CPHXL2: variants seen among roughly 807,000 people sequenced by gnomAD.
CPHXL2 encodes the protein cytoplasmic polyadenylated homeobox-like protein 2.
At chr16:75,675,213 G>C in the CPHXL2 span, among the ~76,000 whole-genome samples, 1 of 150,516 alleles carries the variant, frequency 6.6e-6, no homozygotes, top group Admixed American at 6.6e-5. Flanking sequence ...AAAGAGATGG[G>C]GTTTCACCAT....
At chr16:75,660,982 C>G in the CPHXL2 span, 1 of 399,114 alleles carries the variant, frequency 2.5e-6, no homozygotes, top group Non-Finnish European at 4.4e-6. Context: ...CTGGGAGTCT[C>G]TTGGTTCTCC....
At chr16:75,674,807 T>C in the CPHXL2 span, among the ~76,000 whole-genome samples, 1 of 150,598 alleles carries the variant, frequency 6.6e-6, no homozygotes, top group Non-Finnish European at 1.5e-5. Flanking sequence ...CCTCCTGGGT[T>C]CAAGCGATTC....
chr16:75,669,234 TGA>T, the CPHXL2 span: 55 of 392,652 alleles, frequency 1.4e-4, no homozygotes, highest in South Asian at 6.7e-3. Flanking sequence ...GGGAGTCACC[TGA>T]GCCCAGGAAG....
At chr16:75,663,991 C>G in the CPHXL2 span, among the ~76,000 whole-genome samples, 2 of 151,984 alleles carry the variant, frequency 1.3e-5, no homozygotes, top group African/African-American at 4.8e-5. Flanking sequence ...ATCAGCATGA[C>G]AACACTTTGG....
chr16:75,669,519 T>C, the CPHXL2 span: 1 of 399,236 alleles, frequency 2.5e-6, no homozygotes. Context: ...TCTTTGTTTG[T>C]CTTTCTTCAT....
At chr16:75,676,243 G>A in the CPHXL2 span, among the ~76,000 whole-genome samples, 1 of 152,052 alleles carries the variant, frequency 6.6e-6, no homozygotes, top group South Asian at 2.1e-4. Context: ...CTTTACATAT[G>A]GAAGTTCTCA....
At chr16:75,668,246 T>TTA in the CPHXL2 span, among the ~76,000 whole-genome samples, 1 of 142,432 alleles carries the variant, frequency 7.0e-6, no homozygotes, top group African/African-American at 2.6e-5. Context: ...TTTTTTTTTT[T>TTA]GAGACAGAGC....
chr16:75,676,355 A>G, the CPHXL2 span, among the ~76,000 whole-genome samples: 1 of 152,064 alleles, frequency 6.6e-6, no homozygotes, highest in African/African-American at 2.4e-5. Context: ...ACAAGGCCTC[A>G]CTCTGTCACC....
At chr16:75,672,729 A>G in the CPHXL2 span, among the ~76,000 whole-genome samples, 3 of 152,180 alleles carry the variant, frequency 2.0e-5, no homozygotes, top group South Asian at 4.1e-4. Flanking sequence ...GGATCAAGCA[A>G]TCCTCCTGCC....
chr16:75,661,564 C>A, the CPHXL2 span, among the ~76,000 whole-genome samples: 2 of 151,870 alleles, frequency 1.3e-5, no homozygotes, highest in African/African-American at 2.4e-5. Context: ...GCAATCTTCT[C>A]CTGCTTGCTC....
chr16:75,673,466 T>TA, the CPHXL2 span, among the ~76,000 whole-genome samples: 23 of 149,834 alleles, frequency 1.5e-4, no homozygotes, highest in Non-Finnish European at 2.5e-4. Flanking sequence ...AAAAAAAAAT[T>TA]AAAAAAAAAG....
At chr16:75,675,777 G>C in the CPHXL2 span, among the ~76,000 whole-genome samples, 1 of 152,096 alleles carries the variant, frequency 6.6e-6, no homozygotes, top group Non-Finnish European at 1.5e-5. Flanking sequence ...GGTGGGGCAA[G>C]ATTTGAAAAA....
chr16:75,667,641 C>T, the CPHXL2 span, among the ~76,000 whole-genome samples: 2 of 152,204 alleles, frequency 1.3e-5, no homozygotes, highest in Non-Finnish European at 2.9e-5. Context: ...GCCCTTACCA[C>T]TCTGCTAGGG....
chr16:75,663,351 G>A, the CPHXL2 span, among the ~76,000 whole-genome samples: 6 of 152,132 alleles, frequency 3.9e-5, no homozygotes, highest in African/African-American at 1.2e-4. Context: ...GAAAACTGAG[G>A]TGCAGGAGTG....
the CPHXL2 span, among the ~76,000 whole-genome samples, chr16:75,662,977 T>C: frequency 6.6e-6 from 1 of 152,066 alleles, no homozygotes; most frequent in Non-Finnish European, 1.5e-5. Flanking sequence ...TTTTTTTGTA[T>C]TTTTAGTAGA....
the CPHXL2 span, chr16:75,660,601 G>A: frequency 2.5e-6 from 1 of 398,592 alleles, no homozygotes; most frequent in Non-Finnish European, 4.4e-6. Context: ...GGGTGATACT[G>A]CCAATCATTC....
At chr16:75,676,451 A>G in the CPHXL2 span, among the ~76,000 whole-genome samples, 1 of 152,146 alleles carries the variant, frequency 6.6e-6, no homozygotes, top group East Asian at 1.9e-4. Flanking sequence ...CAGGCTCCCA[A>G]GTAGCTGGAA....
chr16:75,676,182 C>G, the CPHXL2 span, among the ~76,000 whole-genome samples: 1 of 152,180 alleles, frequency 6.6e-6, no homozygotes, highest in African/African-American at 2.4e-5. Flanking sequence ...TAAGCCTAAC[C>G]CAGCATGCTT....
the CPHXL2 span, chr16:75,669,440 C>T: frequency 1.1e-4 from 46 of 400,790 alleles, no homozygotes; most frequent in African/African-American, 7.8e-4. Context: ...CCGTTCTCTC[C>T]AAATATTTCC....
Sources: gnomAD v4.1 joint callset for allele counts (sites outside exome capture counted in the v4.1 genomes callset) on GRCh38, gnomAD v4.1.1 for gene constraint, MANE v1.5 for transcripts, NCBI Gene and HGNC (gene_info 2026-07-23, HGNC 2026-07-21) for gene names.